STK33: variants seen among roughly 807,000 people sequenced by gnomAD.
STK33 encodes serine/threonine-protein kinase 33.
In STK33, 52 loss-of-function variants were observed where a neutral mutation model predicts 58.0. That is an observed-to-expected ratio of 0.90 (90% CI 0.72 to 1.13). The LOEUF is 1.13. Among genes scored for constraint, STK33 ranks in the 50% most tolerant of loss-of-function variants. The probability of loss-of-function intolerance (pLI) is 0.00; values close to 1 mark genes in which losing one functional copy is unlikely to be tolerated. For synonymous variants in STK33, 215 were observed against 200.1 expected (o/e 1.07, Z -0.63); for missense variants, 630 against 604.2 (o/e 1.04, Z -0.45).
chr11:8,520,501 A>G (rs1478187297), intron 1 of STK33, among the ~76,000 whole-genome samples: 1 of 152,196 alleles, frequency 6.6e-6, no homozygotes, highest in Non-Finnish European at 1.5e-5. Flanking sequence ...CAGGGCAATC[A>G]GGCAGGAGAA....
intron 1 of STK33, among the ~76,000 whole-genome samples, chr11:8,554,621 A>T (rs1388834737): frequency 6.6e-6 from 1 of 152,184 alleles, no homozygotes; most frequent in East Asian, 1.9e-4. Flanking sequence ...GTTAGTGAGG[A>T]TGCAGAGAAA....
At position 8,413,677 on chromosome 11, in the gene STK33, A is replaced by G; in HGVS notation, c.1162T>C (p.Ser388Pro). 12 of 1,611,322 alleles carry G rather than the reference A, an allele frequency of 7.4e-6. No individual in the cohort carries two copies. Among genetic ancestry groups the G allele is most frequent in the Non-Finnish European group, 1.0e-5 (12 of 1,177,582 alleles). Residue 388 changes from serine to proline, a missense_variant, in exon 15 of 16, where the codon TCG becomes CCG. Physicochemically the swap from Ser to Pro is moderately conservative, Grantham distance 74 (BLOSUM62 -1). Transcript: ENST00000687296. ...TCTAATACATTGGTTGGTCTCACCG[A>G]AGAAAGTTTATTGCCCTAATATTAA... ...NQWLTGNKLS[S>P]VRPTNVLEMM...
the STK33 span, among the ~76,000 whole-genome samples, chr11:8,368,326 C>T: frequency 2.0e-5 from 3 of 152,196 alleles, no homozygotes; most frequent in African/African-American, 7.2e-5. Flanking sequence ...AAACAAGATA[C>T]CTGAAAGCTG....
chr11:8,579,854 G>T (rs1040922196), intron 1 of STK33, among the ~76,000 whole-genome samples: 2 of 152,056 alleles, frequency 1.3e-5, no homozygotes, highest in African/African-American at 4.8e-5. Context: ...TGGCAAACGG[G>T]TATATAAAAA....
At chr11:8,499,837 A>G (rs1021850291) in intron 1 of STK33, among the ~76,000 whole-genome samples, 2 of 151,892 alleles carry the variant, frequency 1.3e-5, no homozygotes, top group Admixed American at 1.3e-4. Context: ...ACCAAACACC[A>G]CATGTTCTCA....
intron 1 of STK33, among the ~76,000 whole-genome samples, chr11:8,554,638 A>G (rs530143190): frequency 2.0e-5 from 3 of 152,192 alleles, no homozygotes; most frequent in Non-Finnish European, 4.4e-5. Flanking sequence ...GAAAGGGAAT[A>G]CTTGTACACT....
chr11:8,464,220 A>C (rs1170818770), intron 7 of STK33, among the ~76,000 whole-genome samples: 2 of 152,192 alleles, frequency 1.3e-5, no homozygotes, highest in Non-Finnish European at 2.9e-5. Flanking sequence ...GCAGCAGATA[A>C]AAGAGTATAG....
chr11:8,418,561 T>C (rs1191148784), intron 14 of STK33, among the ~76,000 whole-genome samples: 1 of 152,180 alleles, frequency 6.6e-6, no homozygotes, highest in African/African-American at 2.4e-5. Flanking sequence ...TGTGCATATG[T>C]GTTTATGGCA....
chr11:8,440,838 G>T, intron 11 of STK33, 85 bp from the exon 12 acceptor site: 1 of 1,346,842 alleles, frequency 7.4e-7, no homozygotes, highest in Non-Finnish European at 1.0e-6. Context: ...AAAATGTGCT[G>T]ATGTGCTGTA....
At chr11:8,524,614 A>G (rs1042136962) in intron 1 of STK33, among the ~76,000 whole-genome samples, 3 of 152,120 alleles carry the variant, frequency 2.0e-5, no homozygotes, top group African/African-American at 7.2e-5. Context: ...TTGAGTTTTT[A>G]TTCAGAAGTT....
At chr11:8,337,742 A>G in the STK33 span, among the ~76,000 whole-genome samples, 1 of 148,402 alleles carries the variant, frequency 6.7e-6, no homozygotes, top group African/African-American at 2.5e-5. Flanking sequence ...CACTTTGTTC[A>G]CCCCACTCCA....
intron 6 of STK33, among the ~76,000 whole-genome samples, chr11:8,470,169 G>C (rs747906486): frequency 2.0e-5 from 3 of 152,214 alleles, no homozygotes; most frequent in Non-Finnish European, 4.4e-5. Flanking sequence ...GCTTAAATCT[G>C]TTGTTTAGTG....
At chr11:8,388,663 C>T (rs1004704951), downstream of STK33, among the ~76,000 whole-genome samples, 1 of 152,222 alleles carries the variant, frequency 6.6e-6, no homozygotes, top group Non-Finnish European at 1.5e-5. Flanking sequence ...CTGGGCTCCA[C>T]GGGGTCCCCT....
chr11:8,554,562 C>T (rs537506325), intron 1 of STK33, among the ~76,000 whole-genome samples: 28 of 152,068 alleles, frequency 1.8e-4, no homozygotes, highest in African/African-American at 6.3e-4. Flanking sequence ...GAGATGATAT[C>T]ACCTCATACC....
chr11:8,377,573 C>T, the STK33 span, among the ~76,000 whole-genome samples: 4 of 152,114 alleles, frequency 2.6e-5, no homozygotes, highest in African/African-American at 9.7e-5. Flanking sequence ...GACAAAGATG[C>T]CCACTTTCAC....
chr11:8,543,025 T>A (rs1955643482), intron 1 of STK33, among the ~76,000 whole-genome samples: 1 of 152,214 alleles, frequency 6.6e-6, no homozygotes, highest in Admixed American at 6.5e-5. Flanking sequence ...TTTCACTTTT[T>A]ATAGCTTCTT....
At chr11:8,584,410 C>A (rs991792517) in intron 1 of STK33, among the ~76,000 whole-genome samples, 1 of 152,162 alleles carries the variant, frequency 6.6e-6, no homozygotes, top group African/African-American at 2.4e-5. Flanking sequence ...ATACTGTTAA[C>A]TGGATACATT....
At chr11:8,445,904 T>C (rs945268740) in intron 11 of STK33, among the ~76,000 whole-genome samples, 3 of 152,252 alleles carry the variant, frequency 2.0e-5, no homozygotes, top group Non-Finnish European at 2.9e-5. Flanking sequence ...TAAAATGAGT[T>C]AGGGAGGAGT....
chr11:8,463,854 G>A (rs1232680379), intron 7 of STK33, among the ~76,000 whole-genome samples: 5 of 152,050 alleles, frequency 3.3e-5, no homozygotes. Context: ...AGGAGAAAAG[G>A]AAATAACACC....
Sources: allele counts gnomAD v4.1 joint callset (sites outside exome capture counted in the v4.1 genomes callset), GRCh38; gene constraint gnomAD v4.1.1; transcripts MANE v1.5; gene names NCBI Gene and HGNC (gene_info 2026-07-23, HGNC 2026-07-21).